The following ZFAND3 variants were observed in gnomAD, a reference collection of about 807,000 sequenced individuals.
ZFAND3 encodes zinc finger AN1-type containing 3.
Under a neutral mutation model 29.6 loss-of-function variants are expected in ZFAND3, and 10 were observed. The observed-to-expected ratio is 0.34, with a 90% CI of 0.21 to 0.57. The LOEUF is 0.57. ZFAND3 is among the 20% of genes least tolerant of loss of function. The pLI is 0.86. For missense variants in ZFAND3, 230 were observed against 304.5 expected (o/e 0.76, Z 1.82); for synonymous variants, 128 against 112.6 (o/e 1.14, Z -0.87).
chr6:37,844,071 C>G (rs186847432), intron 1 of ZFAND3, among the ~76,000 whole-genome samples: 114 of 152,026 alleles, frequency 7.5e-4, no homozygotes, highest in African/African-American at 2.6e-3. Flanking sequence ...GACCACCACG[C>G]CTGGCTTTTT....
intron 2 of ZFAND3, among the ~76,000 whole-genome samples, chr6:37,985,156 C>G (rs1387223007): frequency 2.0e-5 from 3 of 152,114 alleles, no homozygotes; most frequent in African/African-American, 7.2e-5. Flanking sequence ...CAAGGGAATT[C>G]TTTTATAAAA....
At chr6:38,032,636 T>C (rs1421635732) in intron 2 of ZFAND3, among the ~76,000 whole-genome samples, 1 of 152,222 alleles carries the variant, frequency 6.6e-6, no homozygotes, top group African/African-American at 2.4e-5. Context: ...TCTTCATCTC[T>C]TTATTAAAAG....
At chr6:38,069,785 G>C (rs973995972) in intron 3 of ZFAND3, among the ~76,000 whole-genome samples, 5 of 152,136 alleles carry the variant, frequency 3.3e-5, no homozygotes, top group Admixed American at 3.3e-4. Context: ...AATGTCAGTT[G>C]GATAGGAACT....
At chr6:38,140,008 G>A (rs548886577) in intron 5 of ZFAND3, among the ~76,000 whole-genome samples, 1 of 152,350 alleles carries the variant, frequency 6.6e-6, no homozygotes, top group Non-Finnish European at 1.5e-5. Context: ...TGAAGAGTAA[G>A]TAAGGTATCA....
chr6:38,041,728 TCC>T (rs1763779589), intron 2 of ZFAND3, among the ~76,000 whole-genome samples: 2 of 1,392 alleles, frequency 1.4e-3, no homozygotes, highest in African/African-American at 1.7e-3. Flanking sequence ...CTCCTCCTCC[TCC>T]TCCTCCTCCT....
intron 2 of ZFAND3, among the ~76,000 whole-genome samples, chr6:37,937,653 C>CAA (rs71542151): frequency 0.16 from 13,480 of 84,584 alleles, 1,883 homozygotes; most frequent in East Asian, 0.32. Context: ...GACTCCGTCT[C>CAA]AAAAAAAAAA....
intron 5 of ZFAND3, among the ~76,000 whole-genome samples, chr6:38,133,918 G>T (rs973447230): frequency 6.6e-6 from 1 of 152,126 alleles, no homozygotes; most frequent in African/African-American, 2.4e-5. Context: ...GGCCCATGGG[G>T]TCCCCAAAAC....
Position 37,862,800 on chromosome 6 carries a change from G to A in ZFAND3, c.71+42784G>A, listed in dbSNP as rs549841502. Among the ~76,000 whole-genome samples, 14 of 151,594 alleles carry A rather than the reference G, an allele frequency of 9.2e-5. No individual in the cohort carries two copies. The East Asian group carries it at 2.5e-3, about 27-fold the overall frequency. Reference sequence around the variant, plus strand: ...TTACAGAACATCTCCACGTATTCATGTCAGTTCATTCCTCAATAACATAAC... The same window carrying A: ...TTACAGAACATCTCCACGTATTCATATCAGTTCATTCCTCAATAACATAAC... On this transcript the variant is annotated intron_variant, in intron 1 of 5. Transcript: ENST00000287218.
chr6:37,980,433 C>G (rs1370441978), intron 2 of ZFAND3, among the ~76,000 whole-genome samples: 1 of 152,160 alleles, frequency 6.6e-6, no homozygotes, highest in Non-Finnish European at 1.5e-5. Flanking sequence ...ATTTGCTGAT[C>G]TGTTTTCCAA....
chr6:37,842,894 G>T (rs1415217456), intron 1 of ZFAND3, among the ~76,000 whole-genome samples: 1 of 151,968 alleles, frequency 6.6e-6, no homozygotes, highest in Non-Finnish European at 1.5e-5. Context: ...GGCCGAGGTG[G>T]GTGGGTCACT....
At chr6:38,009,762 A>G (rs575668666) in intron 2 of ZFAND3, among the ~76,000 whole-genome samples, 3 of 152,326 alleles carry the variant, frequency 2.0e-5, no homozygotes, top group South Asian at 4.1e-4. Context: ...TTAAGAGACA[A>G]TGTTATGACT....
At chr6:37,914,923 G>A (rs1761213496) in intron 1 of ZFAND3, among the ~76,000 whole-genome samples, 2 of 152,068 alleles carry the variant, frequency 1.3e-5, no homozygotes, top group South Asian at 2.1e-4. Context: ...TCTTTGAAAC[G>A]TTGAAGCCCA....
chr6:38,141,921 A>G (rs1387458425), intron 5 of ZFAND3, among the ~76,000 whole-genome samples: 1 of 152,208 alleles, frequency 6.6e-6, no homozygotes, highest in Non-Finnish European at 1.5e-5. Context: ...CGGGTGCTTC[A>G]CAGGCACGGT....
intron 1 of ZFAND3, among the ~76,000 whole-genome samples, chr6:37,867,605 G>A (rs1000529084): frequency 7.9e-5 from 12 of 152,218 alleles, no homozygotes; most frequent in Admixed American, 1.3e-4. Flanking sequence ...CCACATTAGT[G>A]GTACTTGTCC....
intron 1 of ZFAND3, among the ~76,000 whole-genome samples, chr6:37,924,959 ACAGT>A (rs1012748893): frequency 6.6e-6 from 1 of 152,146 alleles, no homozygotes; most frequent in Non-Finnish European, 1.5e-5. Context: ...GCCCTACAGC[ACAGT>A]CAGAGAACAG....
rs961376867 is a variant in ZFAND3, at chr6:38,015,844, G to C, written c.113-45749G>C. 3.9e-5 allele frequency among the ~76,000 whole-genome samples: 6 copies of C among 152,170 alleles called. No homozygotes were observed. In the South Asian group the frequency reaches 1.2e-3, roughly 32 times the overall value. Reference sequence around the variant, plus strand: ...GTATAGGATTTGAGGAGTACACACAGATTTTCAACTTGACCTGTGGTGTTT... The same window carrying C: ...GTATAGGATTTGAGGAGTACACACACATTTTCAACTTGACCTGTGGTGTTT... On this transcript the variant is annotated intron_variant, in intron 2 of 5. Coordinates refer to ENST00000287218, the MANE Select transcript of ZFAND3 (RefSeq NM_021943.3).
chr6:37,851,993 C>G (rs893858959), intron 1 of ZFAND3, among the ~76,000 whole-genome samples: 2 of 152,178 alleles, frequency 1.3e-5, no homozygotes, highest in African/African-American at 2.4e-5. Flanking sequence ...TAATTTTGAT[C>G]TAACTTCTAA....
At chr6:38,080,271 A>G (rs529595321) in intron 3 of ZFAND3, among the ~76,000 whole-genome samples, 107 of 151,858 alleles carry the variant, frequency 7.0e-4, no homozygotes, top group African/African-American at 2.5e-3. Context: ...AAACCTGCAC[A>G]TTCTGCACAT....
chr6:37,947,079 C>T (rs1434570016), intron 2 of ZFAND3, among the ~76,000 whole-genome samples: 1 of 152,044 alleles, frequency 6.6e-6, no homozygotes, highest in East Asian at 1.9e-4. Context: ...GCACCTAACC[C>T]CAGTTAAAGA....
Sources: allele counts gnomAD v4.1 joint callset (sites outside exome capture counted in the v4.1 genomes callset), GRCh38; gene constraint gnomAD v4.1.1; transcripts MANE v1.5; gene names NCBI Gene and HGNC (gene_info 2026-07-23, HGNC 2026-07-21).